The following CCDC88C variants were observed in gnomAD, a reference collection of about 807,000 sequenced individuals.
The protein encoded by CCDC88C is coiled-coil and HOOK domain protein 88C.
Under a neutral mutation model 198.8 loss-of-function variants are expected in CCDC88C, and 131 were observed. The ratio of observed to expected loss-of-function variants is 0.66; its 90% confidence interval spans 0.57 to 0.76. The LOEUF (loss-of-function observed/expected upper bound fraction) is 0.76. Among genes scored for constraint, CCDC88C ranks in the 30% least tolerant of loss-of-function variants. The pLI is 0.00. For missense variants in CCDC88C, 2,553 were observed against 2,631.6 expected, an observed-to-expected ratio of 0.97 and a Z score of 0.65; for synonymous variants, 1,166 against 1,114.7, an observed-to-expected ratio of 1.05 and a Z score of -0.92.
At position 91,284,717 on chromosome 14, in the gene CCDC88C, T is replaced by C. The variant is rs979021589; in HGVS notation, c.4442-1200A>G. Among the ~76,000 whole-genome samples, 10 of 152,266 alleles carry C rather than the reference T, an allele frequency of 6.6e-5. No individual in the cohort carries two copies. The highest frequency in any genetic ancestry group is 1.5e-4 in the Non-Finnish European group (10 of 68,054). ...ATTTTAGTAATTATGTGTTTATTCT[T>C]ATGATTACCTTGTTTTTATGATGAT... is the stretch of plus-strand genomic sequence containing the variant. On this transcript the variant is annotated intron_variant, in intron 25 of 29. Transcript: ENST00000389857. This position sits in a 1 kb window ranked among gnomAD's most constrained non-coding sequence, Gnocchi z 4.1.
intron 15 of CCDC88C, among the ~76,000 whole-genome samples, chr14:91,310,216 G>T (rs184231801): frequency 6.6e-6 from 1 of 151,958 alleles, no homozygotes; most frequent in East Asian, 1.9e-4. Context: ...TACATGTCAG[G>T]ATGGATCTAA....
At position 91,415,634 on chromosome 14, in the gene CCDC88C, C is replaced by T. The variant is rs184345062; in HGVS notation, c.161+1104G>A. On this transcript the variant is annotated intron_variant, in intron 2 of 29. Coordinates refer to ENST00000389857, the MANE Select transcript of CCDC88C (RefSeq NM_001080414.4). ...ACTCGGGAGGCTGAGGTAGGATAAT[C>T]GCTTGAACCCGGGAGGCGGAGGTTG... 5.2e-3 allele frequency among the ~76,000 whole-genome samples: 796 copies of T among 151,994 alleles called. 4 individuals are homozygous for T. Among genetic ancestry groups the T allele is most frequent in the Middle Eastern group, 0.02 (6 of 294 alleles).
intron 3 of CCDC88C, among the ~76,000 whole-genome samples, chr14:91,385,598 T>A (rs1885084987): frequency 6.6e-6 from 1 of 152,148 alleles, no homozygotes; most frequent in Non-Finnish European, 1.5e-5. Flanking sequence ...AACTCGGACA[T>A]CAAAAGCTGG....
intron 25 of CCDC88C, among the ~76,000 whole-genome samples, chr14:91,287,106 ATAGT>A (rs1291061713): frequency 6.6e-6 from 1 of 152,220 alleles, no homozygotes; most frequent in Non-Finnish European, 1.5e-5. Flanking sequence ...CAGACTGATT[ATAGT>A]TAATTAATTC....
intron 23 of CCDC88C, among the ~76,000 whole-genome samples, chr14:91,291,947 C>T (rs943507203): frequency 6.6e-5 from 10 of 152,200 alleles, no homozygotes; most frequent in South Asian, 4.1e-4. Flanking sequence ...ACAGTGCATT[C>T]GGAGCCGCGC....
rs964679305 is a variant in CCDC88C, at chr14:91,354,530, T to A, written c.340+5112A>T. ...GGTGAAGGCGGTTTTCAGGGAGTCA[T>A]CTCAGGCCTAGGGGAGACAGACACG... On this transcript the variant is annotated intron_variant, in intron 4 of 29. Transcript: ENST00000389857. Among the ~76,000 whole-genome samples the A allele has an allele frequency of 3.9e-5, 6 of 152,178 alleles. No individual in the cohort carries two copies. In the East Asian group the frequency reaches 1.2e-3, roughly 29 times the overall value.
Position 91,381,806 on chromosome 14 carries a change from G to C in CCDC88C, c.271-22095C>G, listed in dbSNP as rs899435286. ...CCAAGATCGTGCCAGCCAGGGCAAC[G>C]GAGCAAGACTCTGTCTCGAAAAACA... On this transcript the variant is annotated intron_variant, in intron 3 of 29. Transcript: ENST00000389857. The surrounding 1 kb of genome is among the most constrained non-coding windows in gnomAD (Gnocchi z 4.2). 6.7e-6 allele frequency among the ~76,000 whole-genome samples: 1 copy of C among 149,956 alleles called. No individual in the cohort carries two copies. The highest frequency in any genetic ancestry group is 2.5e-5 in the African/African-American group (1 of 40,694).
rs189125525 is a variant in CCDC88C, at chr14:91,345,813, C to T, written c.341-2156G>A. On this transcript the variant is annotated intron_variant, in intron 4 of 29. Transcript: ENST00000389857. ...CAGCAGCAGAACACCTGCGCCTAGA[C>T]GATGGGCTTGGTCACCCAGGAACTG... Among the ~76,000 whole-genome samples the T allele has an allele frequency of 1.5e-4, 23 of 152,188 alleles. No individual in the cohort carries two copies. The East Asian group carries it at 4.1e-3, about 27-fold the overall frequency.
intron 20 of CCDC88C, among the ~76,000 whole-genome samples, 164 bp downstream of exon 20, chr14:91,303,537 C>G (rs1891415808): frequency 7.1e-6 from 1 of 140,934 alleles, no homozygotes; most frequent in Admixed American, 6.9e-5. Flanking sequence ...CTATCACTCT[C>G]CCCCAGGTCC....
At chr14:91,297,154 T>C (rs941267861) in intron 22 of CCDC88C, 151 bp downstream of exon 22, 1 of 781,354 alleles carries the variant, frequency 1.3e-6, no homozygotes, top group African/African-American at 1.7e-5. Context: ...TCAGCACCTC[T>C]GGCTTCACCG....
intron 3 of CCDC88C, among the ~76,000 whole-genome samples, chr14:91,403,736 C>T (rs992069423): frequency 1.3e-5 from 2 of 152,198 alleles, no homozygotes; most frequent in African/African-American, 2.4e-5. Flanking sequence ...TTGAGACCAG[C>T]CTGGCCAACA....
At chr14:91,306,179 A>C (rs1891551327) in intron 18 of CCDC88C, among the ~76,000 whole-genome samples, 1 of 152,218 alleles carries the variant, frequency 6.6e-6, no homozygotes, top group South Asian at 2.1e-4. Flanking sequence ...TGCTGGAGTT[A>C]AAGCTGCTTC....
At chr14:91,345,183 TATATA>T (rs1893485099) in intron 4 of CCDC88C, among the ~76,000 whole-genome samples, 2 of 70,186 alleles carry the variant, frequency 2.8e-5, no homozygotes, top group African/African-American at 5.2e-5. Context: ...TATATATATA[TATATA>T]TATTTTTTTT....
chr14:91,393,711 G>A (rs61988432), intron 3 of CCDC88C, among the ~76,000 whole-genome samples: 17,053 of 152,230 alleles, frequency 0.11, 1,344 homozygotes, highest in Non-Finnish European at 0.18. Context: ...CAAATTAGCC[G>A]GGCATGGTGG....
At chr14:91,379,961 C>T (rs566562797) in intron 3 of CCDC88C, 38 of 700,592 alleles carry the variant, frequency 5.4e-5, no homozygotes, top group South Asian at 2.5e-4. Flanking sequence ...ACGGGGATAT[C>T]GAAAGGGGTA....
chr14:91,327,895 C>T (rs1473120214), intron 10 of CCDC88C, among the ~76,000 whole-genome samples: 2 of 152,186 alleles, frequency 1.3e-5, no homozygotes, highest in Non-Finnish European at 2.9e-5. Flanking sequence ...CTTCAAGACC[C>T]AGCTGGAGTT....
Position 91,368,726 on chromosome 14 carries a change from G to A in CCDC88C, c.271-9015C>T, listed in dbSNP as rs1013659493. Among the ~76,000 whole-genome samples, 9 of 152,218 alleles carry A rather than the reference G, an allele frequency of 5.9e-5. 1 individual carries two copies. The highest frequency in any genetic ancestry group is 1.3e-4 in the Admixed American group (2 of 15,300). On this transcript the variant is annotated intron_variant, in intron 3 of 29. Coordinates refer to ENST00000389857, the MANE Select transcript of CCDC88C (RefSeq NM_001080414.4). Reference sequence around the variant, plus strand: ...CCCCAAGAGAACCCTGTAGTCAGGAGGGATATTCCACAGATCTCCTTTGCA... The same window carrying A: ...CCCCAAGAGAACCCTGTAGTCAGGAAGGATATTCCACAGATCTCCTTTGCA...
intron 12 of CCDC88C, among the ~76,000 whole-genome samples, chr14:91,324,032 T>A (rs1892469267): frequency 6.6e-6 from 1 of 152,216 alleles, no homozygotes; most frequent in Non-Finnish European, 1.5e-5. Context: ...AAAAGCCCCA[T>A]CACACCCTGG....
rs766705932 is a variant in CCDC88C at position 91,313,190 on chromosome 14, G to A, written c.2626C>T (p.Leu876=). ...EKESRALDKE[L]ARCRDAAGKL... is the part of the protein sequence containing the mutation. ...CCGGCTGCGTCCCTGCAGCGGGCCA[G>A]CTCCTTGTCCAGCGCGCGGCTCTCC... is the stretch of plus-strand genomic sequence containing the variant. The change falls in exon 15 of 30, where the codon CTG becomes TTG. Residue 876 remains leucine, a synonymous_variant. Transcript: ENST00000389857. This position sits in a 1 kb window ranked among gnomAD's most constrained non-coding sequence, Gnocchi z 5.2. The A allele has an allele frequency of 3.1e-6, 5 of 1,613,496 alleles. No homozygotes were observed. In the South Asian group the frequency reaches 4.4e-5, roughly 14 times the overall value.
Sources: allele counts gnomAD v4.1 joint callset (sites outside exome capture counted in the v4.1 genomes callset), GRCh38; gene constraint gnomAD v4.1.1; non-coding constraint Gnocchi (gnomAD v3.1); transcripts MANE v1.5; gene names NCBI Gene and HGNC (gene_info 2026-07-23, HGNC 2026-07-21).